Variants in TXNRD1 observed in about 807,000 individuals in gnomAD.
TXNRD1 encodes the protein thioredoxin reductase 1, cytoplasmic.
In TXNRD1, 57 loss-of-function variants were observed where a neutral mutation model predicts 80.3. That is an observed-to-expected ratio of 0.71 (90% confidence interval 0.57 to 0.89). The LOEUF (loss-of-function observed/expected upper bound fraction) is 0.89. Ranked by LOEUF, TXNRD1 falls within the 40% of genes least tolerant of loss-of-function variation. The pLI is 0.00. For missense variants in TXNRD1, 730 were observed against 803.0 expected (o/e 0.91, Z 1.10); for synonymous variants, 291 against 285.2 (o/e 1.02, Z -0.20).
At chr12:104,290,711 AG>A (rs1169344526) in intron 4 of TXNRD1, among the ~76,000 whole-genome samples, 1 of 112,232 alleles carries the variant, frequency 8.9e-6, no homozygotes, top group African/African-American at 3.4e-5. Context: ...AAAAAAAAAA[AG>A]AAATATACAT....
intron 6 of TXNRD1, among the ~76,000 whole-genome samples, chr12:104,315,389 A>G (rs1488159392): frequency 6.6e-6 from 1 of 152,230 alleles, no homozygotes; most frequent in Non-Finnish European, 1.5e-5. Context: ...ACTGAACTGA[A>G]AGTGAAACAC....
intron 11 of TXNRD1, among the ~76,000 whole-genome samples, chr12:104,325,669 C>T (rs901186487): frequency 1.2e-4 from 19 of 152,108 alleles, no homozygotes; most frequent in African/African-American, 4.3e-4. Flanking sequence ...GTCAAGGGAT[C>T]GGGACCATCC....
intron 1 of TXNRD1, 38 bp downstream of exon 1, chr12:104,215,931 G>A (rs1425569201): frequency 1.3e-6 from 2 of 1,502,038 alleles, no homozygotes; most frequent in South Asian, 1.2e-5. Context: ...CCAGGTCGAC[G>A]GGCCGAAGCG....
chr12:104,337,471 G>GGT (rs2036178390), intron 15 of TXNRD1, among the ~76,000 whole-genome samples: 1 of 151,974 alleles, frequency 6.6e-6, no homozygotes, highest in African/African-American at 2.4e-5. Flanking sequence ...TTTTGGCAGA[G>GGT]GTAGCCAGAG....
At chr12:104,298,083 T>G (rs558623969) in intron 4 of TXNRD1, among the ~76,000 whole-genome samples, 10 of 152,360 alleles carry the variant, frequency 6.6e-5, no homozygotes, top group African/African-American at 2.4e-4. Context: ...GTCCAGATTA[T>G]TTAGTGAGAC....
At chr12:104,334,650 C>T (rs967063332) in intron 15 of TXNRD1, among the ~76,000 whole-genome samples, 2 of 152,112 alleles carry the variant, frequency 1.3e-5, no homozygotes, top group Non-Finnish European at 2.9e-5. Flanking sequence ...AATGTACAGG[C>T]GTGAGCCACC....
chr12:104,281,649 G>T (rs529483861), intron 3 of TXNRD1, among the ~76,000 whole-genome samples: 16 of 151,450 alleles, frequency 1.1e-4, no homozygotes, highest in African/African-American at 3.6e-4. Flanking sequence ...CTCGTGATCC[G>T]CCCGCCTCAG....
chr12:104,308,898 C>CT (rs11484262), intron 4 of TXNRD1, among the ~76,000 whole-genome samples: 62,514 of 129,706 alleles, frequency 0.48, 16,026 homozygotes, highest in East Asian at 0.61. Context: ...AACAATGTTT[C>CT]TTTTTTTTTT....
chr12:104,257,876 T>C (rs1453549171), intron 2 of TXNRD1, 143 bp from the exon 3 acceptor site: 1 of 645,550 alleles, frequency 1.5e-6, no homozygotes, highest in African/African-American at 1.9e-5. Context: ...AGGGAGAATC[T>C]TATGGGTTAC....
intron 1 of TXNRD1, among the ~76,000 whole-genome samples, chr12:104,225,359 T>C (rs1371387573): frequency 6.6e-6 from 1 of 152,252 alleles, no homozygotes; most frequent in African/African-American, 2.4e-5. Flanking sequence ...GCTAGTGTAC[T>C]TAACCACTGT....
chr12:104,319,372 G>T, intron 8 of TXNRD1, 98 bp from the exon 9 acceptor site: 1 of 777,872 alleles, frequency 1.3e-6, no homozygotes, highest in Non-Finnish European at 2.1e-6. Flanking sequence ...TTATGAGGAT[G>T]AAATGAGACA....
chr12:104,242,094 C>T (rs2032884138), intron 1 of TXNRD1, among the ~76,000 whole-genome samples: 1 of 151,408 alleles, frequency 6.6e-6, no homozygotes, highest in Non-Finnish European at 1.5e-5. Context: ...CACGCCACCA[C>T]ACCTGGCTAT....
chr12:104,299,203 C>A (rs35679552), intron 4 of TXNRD1, among the ~76,000 whole-genome samples: 2,202 of 152,176 alleles, frequency 0.014, 50 homozygotes, highest in African/African-American at 0.05. Context: ...AAAGCTGTTT[C>A]CTTCAAGGGT....
At chr12:104,278,341 C>G (rs1254239079) in intron 3 of TXNRD1, among the ~76,000 whole-genome samples, 1 of 148,996 alleles carries the variant, frequency 6.7e-6, no homozygotes, top group Non-Finnish European at 1.5e-5. Flanking sequence ...GCTGGGACTA[C>G]AGGCGCCCAC....
At chr12:104,252,918 G>T (rs1199345982) in intron 2 of TXNRD1, among the ~76,000 whole-genome samples, 3 of 151,218 alleles carry the variant, frequency 2.0e-5, no homozygotes, top group Non-Finnish European at 4.4e-5. Flanking sequence ...TAGCCAAGAT[G>T]GCCTCGATCT....
At chr12:104,217,191 G>A (rs1165560745) in intron 1 of TXNRD1, among the ~76,000 whole-genome samples, 1 of 151,798 alleles carries the variant, frequency 6.6e-6, no homozygotes, top group Non-Finnish European at 1.5e-5. Context: ...ATCCCAAATT[G>A]ACGTTTCATG....
chr12:104,225,993 A>C (rs951784144), intron 1 of TXNRD1, among the ~76,000 whole-genome samples: 3 of 152,184 alleles, frequency 2.0e-5, no homozygotes, highest in Non-Finnish European at 2.9e-5. Flanking sequence ...TGAGGTCAGG[A>C]GTTCAAGACC....
intron 11 of TXNRD1, 57 bp downstream of exon 11, chr12:104,325,486 G>A (rs1037378957): frequency 8.0e-6 from 10 of 1,252,254 alleles, no homozygotes; most frequent in Admixed American, 3.9e-5. Context: ...TGCTTATTGG[G>A]TATCTTATAG....
In TXNRD1 at chr12:104,258,079, G is replaced by C; in HGVS notation, c.304G>C (p.Glu102Gln). 6.5e-7 allele frequency: 1 copy of C among 1,545,622 alleles called. No homozygotes were observed. The highest frequency in any genetic ancestry group is 8.8e-7 in the Non-Finnish European group (1 of 1,141,376). Reference protein sequence around the residue: ...PYFVLELDQTEDGRALEGTLS... With the variant: ...PYFVLELDQTQDGRALEGTLS... ...TTTTGTGCTTGAACTTGATCAAACA[G>C]GTAAGTTTCTGTTTAATATGTAAAT... Residue 102 changes from glutamate to glutamine, a missense_variant and splice_region_variant, in exon 3 of 17, where the codon GAG becomes CAG. Physicochemically the swap from Glu to Gln is conservative, Grantham distance 29 (BLOSUM62 2). Coordinates refer to ENST00000525566, the MANE Select transcript of TXNRD1 (RefSeq NM_001093771.3).
Sources: gnomAD v4.1 joint callset for allele counts (sites outside exome capture counted in the v4.1 genomes callset) on GRCh38, gnomAD v4.1.1 for gene constraint, MANE v1.5 for transcripts, NCBI Gene and HGNC (gene_info 2026-07-23, HGNC 2026-07-21) for gene names.